The following TTN variants were observed in gnomAD, a reference collection of about 807,000 sequenced individuals.
TTN encodes titin.
A neutral mutation model predicts 3,223.0 loss-of-function variants in TTN; 1,525 were observed. The ratio of observed to expected loss-of-function variants is 0.47; its 90% CI spans 0.45 to 0.49. The LOEUF (loss-of-function observed/expected upper bound fraction) is 0.49. TTN is among the 20% of genes least tolerant of loss of function. The probability of loss-of-function intolerance (pLI) is 0.00; values close to 1 mark genes in which losing one functional copy is unlikely to be tolerated. For synonymous variants in TTN, 14,094 were observed against 15,161.0 expected, an observed-to-expected ratio of 0.93 and a Z score of 5.17; for missense variants, 40,786 against 43,424.0, an observed-to-expected ratio of 0.94 and a Z score of 5.40.
intron 159 of TTN, 61 bp from the exon 160 acceptor site, chr2:178,667,782 A>G: frequency 8.2e-7 from 1 of 1,214,418 alleles, no homozygotes; most frequent in East Asian, 2.4e-5. Context: ...GAAGTGTATT[A>G]AGAAAAATAT....
At chr2:178,688,342 G>T in intron 126 of TTN, 118 bp from the exon 127 acceptor site, 3 of 898,244 alleles carry the variant, frequency 3.3e-6, no homozygotes, top group Non-Finnish European at 5.3e-6. Flanking sequence ...TAGCTTCATG[G>T]TACTTCCTCA....
At chr2:178,677,551 G>T (rs1577289604) in intron 146 of TTN, 70 bp downstream of exon 146, 1 of 1,458,108 alleles carries the variant, frequency 6.9e-7, no homozygotes, top group South Asian at 1.4e-5. Flanking sequence ...AACTGGAGAT[G>T]AACAAAAGGA....
rs371340721 is a variant in TTN at position 178,540,409 on chromosome 2, G to A, written c.97796-39C>T. On this transcript the variant is annotated intron_variant, in intron 350 of 362. Transcript: ENST00000589042. ...TAAGAATATACTGGTTAAAGTTGCTGCAAAGTTGAAAATTAGCTGTGCCAC... is the reference window on the plus strand; with the variant it reads ...TAAGAATATACTGGTTAAAGTTGCTACAAAGTTGAAAATTAGCTGTGCCAC... 32 of 1,521,918 alleles carry A rather than the reference G, an allele frequency of 2.1e-5. No homozygotes were observed. The African/African-American group carries it at 4.4e-4, about 21-fold the overall frequency. 94.3% of individuals were successfully genotyped at this position (1,521,918 alleles called of 1,614,324 possible).
intron 47 of TTN, chr2:178,745,105 A>G: frequency 9.1e-6 from 9 of 988,558 alleles, no homozygotes; most frequent in Non-Finnish European, 1.1e-5. Context: ...AAGTAAATAA[A>G]CATGAGTTTG....
rs775888521 is a variant in TTN at position 178,602,526 on chromosome 2, T to C, written c.54876A>G (p.Gly18292=). ...KDKTKSSISL[G]WKPPAKDGGS... is the part of the protein sequence containing the mutation. ...CACCATCTTTGGCTGGAGGTTTCCA[T>C]CCTAGTGAGATGCTTGACTTCGTTT... The change falls in exon 283 of 363, where the codon GGA becomes GGG. Residue 18292 remains glycine (G), a synonymous_variant. Coordinates refer to ENST00000589042, the MANE Select transcript of TTN (RefSeq NM_001267550.2). The C allele has an allele frequency of 7.5e-6, 12 of 1,606,640 alleles. No individual in the cohort carries two copies. The highest frequency in any genetic ancestry group is 1.0e-5 in the Non-Finnish European group (12 of 1,176,070).
chr2:178,715,550 AGGT>A lies in TTN; in HGVS notation c.25861_25863del (p.Thr8621del). ...CTGCCTGCTGCATTGTGGGCCTCAC[AGGT>A]GTAGTCTCCACTGTCTTCAACACTG... On this transcript the variant is annotated inframe_deletion, in exon 89 of 363. Coordinates refer to ENST00000589042, the MANE Select transcript of TTN (RefSeq NM_001267550.2). The A allele has an allele frequency of 6.2e-7, 1 of 1,613,632 alleles. No homozygotes were observed. Among genetic ancestry groups the A allele is most frequent in the Non-Finnish European group, 8.5e-7 (1 of 1,179,636 alleles).
chr2:178,750,582 G>C, intron 47 of TTN: 1 of 1,612,462 alleles, frequency 6.2e-7, no homozygotes, highest in Non-Finnish European at 8.5e-7. Flanking sequence ...GGGCAACGTT[G>C]TGGGCGTTTT....
Position 178,571,800 on chromosome 2 carries a change from C to A in TTN, c.74332G>T (p.Ala24778Ser). 1.2e-6 allele frequency: 2 copies of A among 1,613,352 alleles called. No homozygotes were observed. Among genetic ancestry groups the A allele is most frequent in the East Asian group, 2.2e-5 (1 of 44,816 alleles). The change falls in exon 326 of 363, where the codon GCC becomes TCC. Residue 24778 changes from alanine to serine, a missense_variant. Ala to Ser is a moderately conservative substitution (Grantham distance 99, BLOSUM62 1). Coordinates refer to ENST00000589042, the MANE Select transcript of TTN (RefSeq NM_001267550.2). ...ENNSLLTIKDACREDVGHYVV... is the reference protein window; with the variant it reads ...ENNSLLTIKDSCREDVGHYVV... ...TAATGGCCAACATCTTCTCGGCAGG[C>A]GTCCTTTATTGTCAGTAGTGAATTA...
Position 178,652,838 on chromosome 2 carries a change from T to C in TTN, c.38959+10A>G. 6.2e-7 allele frequency: 1 copy of C among 1,609,916 alleles called. No individual in the cohort carries two copies. ...TTGATCTTCTGAAGCCTAAAGCCAGTGACAAATACCTTTAACAGGAGGGAC... is the reference window on the plus strand; with the variant it reads ...TTGATCTTCTGAAGCCTAAAGCCAGCGACAAATACCTTTAACAGGAGGGAC... On this transcript the variant is annotated intron_variant, in intron 200 of 362. Transcript: ENST00000589042.
rs200304872 is a variant in TTN, at chr2:178,750,247, G to A, written c.11311+2877C>T. The A allele has an allele frequency of 4.2e-5, 67 of 1,613,064 alleles. No homozygotes were observed. In the East Asian group the frequency reaches 1.1e-3, roughly 27 times the overall value. ...CTAACTCTTCTTCCTCATCCAAGTAGTCATGGAACACTGGGACTTTATGTG... is the reference window on the plus strand; with the variant it reads ...CTAACTCTTCTTCCTCATCCAAGTAATCATGGAACACTGGGACTTTATGTG... On this transcript the variant is annotated intron_variant, in intron 47 of 362. Coordinates refer to ENST00000589042, the MANE Select transcript of TTN (RefSeq NM_001267550.2).
Position 178,560,627 on chromosome 2 carries a change from T to C in TTN, c.85505A>G (p.Glu28502Gly). Residue 28502 changes from glutamate (E) to glycine (G), a missense_variant, in exon 326 of 363, where the codon GAA (glutamate) becomes GGA (glycine). Physicochemically the swap from Glu to Gly is moderately conservative, Grantham distance 98 (BLOSUM62 -2). Transcript: ENST00000589042. ...ETSHLAWTIC[E>G]GELQMTSCKV... ...ACAGGATGTCATCTGTAACTCTCCT[T>C]CACATATTGTCCATGCAAGGTGGCT... 1.2e-6 allele frequency: 2 copies of C among 1,613,624 alleles called. No homozygotes were observed. The highest frequency in any genetic ancestry group is 3.3e-5 in the Admixed American group (2 of 59,990).
At chr2:178,624,910 CAA>C (rs1018782565) in intron 241 of TTN, among the ~76,000 whole-genome samples, 179 bp from the exon 242 acceptor site, 20 of 151,944 alleles carry the variant, frequency 1.3e-4, no homozygotes, top group Admixed American at 1.1e-3. Flanking sequence ...TTTGTACAGA[CAA>C]GAGGAAAATC....
At position 178,568,767 on chromosome 2, in the gene TTN, T is replaced by C. The variant is rs1253687329; in HGVS notation, c.77365A>G (p.Ile25789Val). The C allele has an allele frequency of 6.2e-7, 1 of 1,612,900 alleles. No homozygotes were observed. Among genetic ancestry groups the C allele is most frequent in the Non-Finnish European group, 8.5e-7 (1 of 1,179,306 alleles). The part of the protein sequence containing the change: ...RSDPRSLAVP[I>V]VAKDLVIEPD... Reference sequence around the variant, plus strand: ...TCAATTACCAGATCTTTGGCAACTATTGGAACTGCAAGGGACCGAGGATCA... The same window carrying C: ...TCAATTACCAGATCTTTGGCAACTACTGGAACTGCAAGGGACCGAGGATCA... Residue 25789 changes from isoleucine to valine, a missense_variant, in exon 326 of 363, where the codon ATA becomes GTA. By Grantham distance (29) the Ile-to-Val change is conservative (BLOSUM62 3). Transcript: ENST00000589042.
In TTN at chr2:178,677,762, C is replaced by T. The variant is rs756108876; in HGVS notation, c.34150G>A (p.Val11384Ile). 1.2e-6 allele frequency: 2 copies of T among 1,608,604 alleles called. No homozygotes were observed. Among genetic ancestry groups the T allele is most frequent in the East Asian group, 2.2e-5 (1 of 44,780 alleles). Residue 11384 changes from valine to isoleucine, a missense_variant, in exon 146 of 363, where the codon GTT (valine) becomes ATT (isoleucine). By Grantham distance (29) the Val-to-Ile change is conservative (BLOSUM62 3). Coordinates refer to ENST00000589042, the MANE Select transcript of TTN (RefSeq NM_001267550.2). ...GGAATTTCCTCTTCTTCAGGTAGAA[C>T]TTCCTCTTCTTCAGGTAGAACTTCC... The part of the protein sequence containing the change: ...EEEVLPEEEE[V>I]LPEEEEIPPE...
rs1259397789 is a variant in TTN at position 178,527,062 on chromosome 2, C to A, written c.107926G>T (p.Glu35976Ter). ...ACAGTGGCAGAGTCAGATCCAAATT[C>A]ATTCCCTAAACTCAGGGTATAAAGT... is the stretch of plus-strand genomic sequence containing the variant. ...GGLYTLSLGN[E>*]FGSDSATVNI... The change falls in exon 363 of 363, where the codon GAA becomes TAA. Residue 35976 changes from glutamate to a stop codon, truncating the protein, a stop_gained. Transcript: ENST00000589042. LOFTEE classifies it high-confidence loss of function. The A allele has an allele frequency of 1.2e-6, 2 of 1,613,848 alleles. No homozygotes were observed. The highest frequency in any genetic ancestry group is 2.2e-5 in the East Asian group (1 of 44,876).
intron 76 of TTN, 48 bp downstream of exon 76, chr2:178,722,611 C>T (rs576793734): frequency 2.1e-5 from 33 of 1,592,548 alleles, no homozygotes; most frequent in Admixed American, 3.5e-5. Context: ...CATAAAGATA[C>T]AAGAGTTAAG....
chr2:178,804,401 G>C (rs2094213783), intron 2 of TTN, 151 bp downstream of exon 2: 7 of 717,666 alleles, frequency 9.8e-6, no homozygotes, highest in Non-Finnish European at 1.7e-5. Flanking sequence ...TCTGTGAATG[G>C]TATACCCTTA....
intron 138 of TTN, 44 bp downstream of exon 138, chr2:178,681,035 G>A (rs1233827530): frequency 1.4e-6 from 2 of 1,439,106 alleles, no homozygotes; most frequent in East Asian, 2.3e-5. Context: ...AATTTCAAAA[G>A]AGGCATCAGA....
rs370198741 is a variant in TTN at position 178,782,494 on chromosome 2, G to A, written c.3164+45C>T. 207 of 1,613,730 alleles carry A rather than the reference G, an allele frequency of 1.3e-4. 1 individual carries two copies. The highest frequency in any genetic ancestry group is 1.7e-4 in the Non-Finnish European group (199 of 1,179,778). On this transcript the variant is annotated intron_variant, in intron 19 of 362. Transcript: ENST00000589042. ...TTTGCCAATACTGGTGGGGCTGAAA[G>A]TCAAAATGGTACTAGAACAGCTACT...
Sources: allele counts gnomAD v4.1 joint callset (sites outside exome capture counted in the v4.1 genomes callset), GRCh38; gene constraint gnomAD v4.1.1; transcripts MANE v1.5; gene names NCBI Gene and HGNC (gene_info 2026-07-23, HGNC 2026-07-21).